Variants in SCGN observed in about 807,000 individuals in gnomAD.
SCGN encodes the protein secretagogin, EF-hand calcium binding protein.
Under a neutral mutation model 39.7 loss-of-function variants are expected in SCGN, and 30 were observed. That is an observed-to-expected ratio of 0.76 (90% CI 0.57 to 1.03). The LOEUF (loss-of-function observed/expected upper bound fraction) is 1.03, where lower values mean the gene tolerates loss of function less well. Ranked by LOEUF, SCGN falls within the 50% of genes least tolerant of loss-of-function variation. SCGN has a pLI of 0.00. For synonymous variants in SCGN, 106 were observed against 114.1 expected (o/e 0.93, Z 0.45); for missense variants, 353 against 349.4 (o/e 1.01, Z -0.08).
chr6:25,686,996 C>A (rs1759713839), intron 7 of SCGN, among the ~76,000 whole-genome samples: 1 of 152,064 alleles, frequency 6.6e-6, no homozygotes, highest in Non-Finnish European at 1.5e-5. Context: ...AATAAACTGG[C>A]CATATGTATG....
At chr6:25,676,855 C>A (rs1255444308) in intron 6 of SCGN, among the ~76,000 whole-genome samples, 1 of 152,184 alleles carries the variant, frequency 6.6e-6, no homozygotes, top group East Asian at 1.9e-4. Flanking sequence ...ACAGTGCCTG[C>A]CACATAGTAG....
intron 6 of SCGN, 86 bp downstream of exon 6, chr6:25,670,162 G>C: frequency 1.1e-6 from 1 of 944,834 alleles, no homozygotes; most frequent in Non-Finnish European, 1.7e-6. Context: ...TAGAGAGTTC[G>C]TCCTTGAGAA....
intron 3 of SCGN, among the ~76,000 whole-genome samples, chr6:25,663,400 G>T (rs1235186797): frequency 6.6e-6 from 1 of 152,142 alleles, no homozygotes; most frequent in Non-Finnish European, 1.5e-5. Flanking sequence ...GAAACCTTAG[G>T]CAAGTTACTT....
chr6:25,665,161 A>C, intron 4 of SCGN, 129 bp downstream of exon 4: 4 of 659,768 alleles, frequency 6.1e-6, no homozygotes, highest in Non-Finnish European at 1.0e-5. Context: ...GATAAGACCA[A>C]GCAAAAAATG....
At chr6:25,653,179 G>C (rs191351029) in intron 1 of SCGN, among the ~76,000 whole-genome samples, 2 of 152,188 alleles carry the variant, frequency 1.3e-5, no homozygotes, top group Non-Finnish European at 2.9e-5. Flanking sequence ...ATAAACCCTA[G>C]CATAAAGCAC....
chr6:25,683,047 T>C (rs1759657346), intron 7 of SCGN, among the ~76,000 whole-genome samples: 1 of 152,188 alleles, frequency 6.6e-6, no homozygotes, highest in Admixed American at 6.5e-5. Flanking sequence ...CTGTGCCTCA[T>C]AGGAATTGTG....
intron 6 of SCGN, among the ~76,000 whole-genome samples, chr6:25,675,582 C>T (rs897471036): frequency 1.3e-5 from 2 of 152,246 alleles, no homozygotes; most frequent in African/African-American, 4.8e-5. Flanking sequence ...TCAAGATTCT[C>T]CTGTTTCAAC....
rs1488305378 is a variant in SCGN, at chr6:25,663,783, C to T, written c.247-1160C>T. On this transcript the variant is annotated intron_variant, in intron 3 of 10. Coordinates refer to ENST00000377961, the MANE Select transcript of SCGN (RefSeq NM_006998.4). The stretch of plus-strand genomic sequence containing the variant: ...GAGATGATAAATCAAAAGCACCTTG[C>T]TGGTACCTGCCATGTAGCAGGCACT... Among the ~76,000 whole-genome samples, 4 of 152,178 alleles carry T rather than the reference C, an allele frequency of 2.6e-5. No homozygotes were observed. The East Asian group carries it at 5.8e-4, about 22-fold the overall frequency.
At chr6:25,697,084 A>C (rs771879509) in intron 10 of SCGN, among the ~76,000 whole-genome samples, 1 of 152,178 alleles carries the variant, frequency 6.6e-6, no homozygotes, top group Non-Finnish European at 1.5e-5. Flanking sequence ...TCTCTAGGAG[A>C]CTTCCCAGTA....
At chr6:25,682,991 A>G (rs1392628215) in intron 7 of SCGN, among the ~76,000 whole-genome samples, 1 of 152,208 alleles carries the variant, frequency 6.6e-6, no homozygotes, top group Non-Finnish European at 1.5e-5. Context: ...ATATCTCCTC[A>G]GTAACAGCCA....
chr6:25,693,455 A>AAC lies in SCGN; in HGVS notation c.702+2332_702+2333insCA, dbSNP rs1206096846. ...CAACAGAGCGAGACTCCGTCTCAAA[A>AAC]AAAAAAAAAAAAAAAAAAAAAGGAA... is the stretch of plus-strand genomic sequence containing the variant. On this transcript the variant is annotated intron_variant, in intron 10 of 10. Coordinates refer to ENST00000377961, the MANE Select transcript of SCGN (RefSeq NM_006998.4). Among the ~76,000 whole-genome samples, 295 of 149,252 alleles carry AAC rather than the reference A, an allele frequency of 2.0e-3. 1 individual carries two copies. The highest frequency in any genetic ancestry group is 6.8e-3 in the African/African-American group (280 of 40,880).
intron 2 of SCGN, among the ~76,000 whole-genome samples, chr6:25,656,518 T>C (rs1431367167): frequency 6.6e-6 from 1 of 152,202 alleles, no homozygotes; most frequent in Non-Finnish European, 1.5e-5. Context: ...TGCAAACCTT[T>C]TCTTTCCAAA....
intron 4 of SCGN, among the ~76,000 whole-genome samples, 179 bp from the exon 5 acceptor site, chr6:25,669,332 T>C (rs1343126235): frequency 1.2e-4 from 18 of 152,102 alleles, no homozygotes; most frequent in Non-Finnish European, 2.9e-5. Flanking sequence ...AATGCAGTGA[T>C]CCATTTCTGG....
In SCGN at chr6:25,663,123, G is replaced by A. The variant is rs73733725; in HGVS notation, c.246+1479G>A. Among the ~76,000 whole-genome samples, 1,313 of 152,240 alleles carry A rather than the reference G, an allele frequency of 8.6e-3. 19 individuals carry two copies. Among genetic ancestry groups the A allele is most frequent in the African/African-American group, 0.028 (1,175 of 41,534 alleles). ...TGCAAGACTGCATCGTTCCCAAGGC[G>A]CCTTAAAACGCAATGAGTCTGTGAG... On this transcript the variant is annotated intron_variant, in intron 3 of 10. Transcript: ENST00000377961.
intron 6 of SCGN, among the ~76,000 whole-genome samples, chr6:25,678,491 G>A (rs1453910635): frequency 6.6e-6 from 1 of 152,170 alleles, no homozygotes; most frequent in African/African-American, 2.4e-5. Flanking sequence ...CATGGAGTTT[G>A]CAGTCTAGCA....
intron 3 of SCGN, among the ~76,000 whole-genome samples, chr6:25,663,772 A>G (rs2151378021): frequency 6.6e-6 from 1 of 152,350 alleles, no homozygotes; most frequent in Non-Finnish European, 1.5e-5. Context: ...TGATAAATCA[A>G]AAGCACCTTG....
chr6:25,688,817 A>ATTCAGCTGT (rs1554117624), intron 7 of SCGN, among the ~76,000 whole-genome samples: 2 of 150,046 alleles, frequency 1.3e-5, no homozygotes, highest in East Asian at 3.9e-4. Context: ...AAAAAAAAAG[A>ATTCAGCTGT]TTTTTTTCAG....
intron 3 of SCGN, among the ~76,000 whole-genome samples, chr6:25,663,835 GGT>G (rs897365158): frequency 1.3e-5 from 2 of 152,154 alleles, no homozygotes; most frequent in African/African-American, 4.8e-5. Context: ...TTGTTAACAT[GGT>G]GTGTCCTTGA....
chr6:25,676,245 C>T (rs1027460003), intron 6 of SCGN, among the ~76,000 whole-genome samples: 11 of 152,202 alleles, frequency 7.2e-5, no homozygotes, highest in African/African-American at 2.2e-4. Context: ...CCCCTATTTC[C>T]ATTCCTGTCT....
Sources: gnomAD v4.1 joint callset for allele counts (sites outside exome capture counted in the v4.1 genomes callset) on GRCh38, gnomAD v4.1.1 for gene constraint, MANE v1.5 for transcripts, NCBI Gene and HGNC (gene_info 2026-07-23, HGNC 2026-07-21) for gene names.